Variants in ABCC8 observed in about 807,000 individuals in gnomAD.
ABCC8 encodes the protein ATP-binding cassette sub-family C member 8.
ABCC8 carries 137 observed loss-of-function variants against 188.0 expected under a neutral mutation model. That is an observed-to-expected ratio of 0.73 (90% CI 0.63 to 0.84). The LOEUF (loss-of-function observed/expected upper bound fraction) is 0.84, where lower values mean the gene tolerates loss of function less well. Among genes scored for constraint, ABCC8 ranks in the 40% least tolerant of loss-of-function variants. The pLI, the probability that ABCC8 is intolerant of heterozygous loss-of-function variation, is 0.00. For synonymous variants in ABCC8, 797 were observed against 846.5 expected (o/e 0.94, Z 1.01); for missense variants, 1,750 against 2,072.7 (o/e 0.84, Z 3.02).
At chr11:17,432,376 G>A in intron 10 of ABCC8, 132 bp from the exon 11 acceptor site, 6 of 1,518,334 alleles carry the variant, frequency 4.0e-6, no homozygotes, top group Non-Finnish European at 4.4e-6. Context: ...TAGGCTAGGG[G>A]CAGAACTCTA....
At chr11:17,445,128 C>A (rs1336066767) in intron 8 of ABCC8, among the ~76,000 whole-genome samples, 2 of 152,218 alleles carry the variant, frequency 1.3e-5, no homozygotes, top group Admixed American at 6.5e-5. Flanking sequence ...GCCTCTGATA[C>A]CCAGGAGACT....
chr11:17,450,397 TCTTTCC>T lies in ABCC8; in HGVS notation c.1177-1732_1177-1727del, dbSNP rs1174128420. Among the ~76,000 whole-genome samples, 481 of 104,506 alleles carry T rather than the reference TCTTTCC, an allele frequency of 4.6e-3. 57 individuals carry two copies. Among genetic ancestry groups the T allele is most frequent in the East Asian group, 0.01 (38 of 3,712 alleles). 68.6% of individuals were successfully genotyped at this position (104,506 alleles called of 152,430 possible). The stretch of plus-strand genomic sequence containing the variant: ...CTTTCTTTCCTTTCCTTTCCTTCTT[TCTTTCC>T]TTTTTTTTTTTTTCAGAGTCTTGCT... On this transcript the variant is annotated intron_variant, in intron 7 of 38. Transcript: ENST00000389817.
At chr11:17,474,743 G>T in intron 2 of ABCC8, 143 bp downstream of exon 2, 1 of 910,934 alleles carries the variant, frequency 1.1e-6, no homozygotes, top group Non-Finnish European at 1.8e-6. Flanking sequence ...CAGAGAGGTT[G>T]GCACATAGAA....
Position 17,442,743 on chromosome 11 carries a change from A to G in ABCC8, c.1607T>C (p.Phe536Ser), listed in dbSNP as rs1956366435. The change falls in exon 10 of 39, where the codon TTT (phenylalanine) becomes TCT (serine). Residue 536 changes from phenylalanine to serine, a missense_variant. Transcript: ENST00000389817. ...ACTGGAGATGGAGGTATAGATGGCA[A>G]AGGCCCTGAGGCTGGTCATCTCCTT... ...RRKEMTSLRA[F>S]AIYTSISIFM... 1 of 1,613,672 alleles carries G rather than the reference A, an allele frequency of 6.2e-7. No individual in the cohort carries two copies.
At chr11:17,469,070 CT>C (rs1450607871) in intron 3 of ABCC8, among the ~76,000 whole-genome samples, 7 of 131,728 alleles carry the variant, frequency 5.3e-5, no homozygotes, top group African/African-American at 2.0e-4. Context: ...CCCTCCCTCC[CT>C]TCCCTCCCTC....
intron 37 of ABCC8, 119 bp from the exon 38 acceptor site, chr11:17,393,878 C>A (rs1402460236): frequency 6.3e-7 from 1 of 1,593,206 alleles, no homozygotes; most frequent in Non-Finnish European, 8.6e-7. Flanking sequence ...GATCCTAGTC[C>A]CACCCCCACC....
chr11:17,437,753 G>A (rs1053883619), intron 10 of ABCC8, among the ~76,000 whole-genome samples: 2 of 152,200 alleles, frequency 1.3e-5, no homozygotes, highest in African/African-American at 2.4e-5. Flanking sequence ...GCCAGGATAT[G>A]CATAAGCAGC....
chr11:17,469,087 T>C (rs867123833), intron 3 of ABCC8, among the ~76,000 whole-genome samples: 25 of 86,154 alleles, frequency 2.9e-4, no homozygotes, highest in African/African-American at 1.1e-3. Flanking sequence ...CCCTCCCTCC[T>C]TCCTTCCTTC....
At chr11:17,428,180 C>A in intron 14 of ABCC8, 109 bp downstream of exon 14, 1 of 1,571,748 alleles carries the variant, frequency 6.4e-7, no homozygotes, top group South Asian at 1.1e-5. Context: ...TACAGGCAGG[C>A]AGGGTGACCT....
intron 12 of ABCC8, chr11:17,430,472 T>G (rs77823410): frequency 0.015 from 5,806 of 378,668 alleles, 278 homozygotes; most frequent in African/African-American, 0.11. Context: ...ATGGCCTCAT[T>G]CTTGGTGGCT....
rs561836030 is a variant in ABCC8 at position 17,422,157 on chromosome 11, C to T, written c.2222+4892G>A. Among the ~76,000 whole-genome samples, 31 of 152,304 alleles carry T rather than the reference C, an allele frequency of 2.0e-4. No individual in the cohort carries two copies. In the South Asian group the frequency reaches 5.6e-3, roughly 27 times the overall value. ...TGGAGGGGGACTCTCAACACACAGCCCCCACACTTAACTCAATGCCCAGGA... is the reference window on the plus strand; with the variant it reads ...TGGAGGGGGACTCTCAACACACAGCTCCCACACTTAACTCAATGCCCAGGA... On this transcript the variant is annotated intron_variant, in intron 16 of 38. Transcript: ENST00000389817.
chr11:17,442,679 A>G, intron 10 of ABCC8, 41 bp downstream of exon 10: 1 of 1,599,492 alleles, frequency 6.3e-7, no homozygotes, highest in Non-Finnish European at 8.6e-7. Context: ...CCTTGCATGT[A>G]CGCAGCAGCA....
At chr11:17,452,834 C>T (rs538240363) in intron 7 of ABCC8, among the ~76,000 whole-genome samples, 3 of 152,286 alleles carry the variant, frequency 2.0e-5, no homozygotes, top group East Asian at 1.9e-4. Context: ...CAATTAGTGA[C>T]GTCTACCACT....
At chr11:17,405,329 G>T (rs1954461589) in intron 27 of ABCC8, among the ~76,000 whole-genome samples, 165 bp downstream of exon 27, 1 of 152,232 alleles carries the variant, frequency 6.6e-6, no homozygotes, top group African/African-American at 2.4e-5. Context: ...CTCCCACGAG[G>T]GAGGCCCCAG....
In ABCC8 at chr11:17,406,595, C is replaced by A. The variant is rs770231412; in HGVS notation, c.3329+27G>T. On this transcript the variant is annotated intron_variant, in intron 26 of 38. Coordinates refer to ENST00000389817, the MANE Select transcript of ABCC8 (RefSeq NM_000352.6). ...CAGAGAACAGTGACTTGCTCACAGT[C>A]CCAGCCTGGCCAGGGGAGACGGGTA... 1.2e-5 allele frequency: 20 copies of A among 1,602,760 alleles called. No homozygotes were observed. In the South Asian group the frequency reaches 1.4e-4, roughly 12 times the overall value.
In ABCC8 at chr11:17,402,657, G is replaced by A. The variant is rs374315114; in HGVS notation, c.3650+4C>T. On this transcript the variant is annotated splice_donor_region_variant and intron_variant, in intron 29 of 38. Coordinates refer to ENST00000389817, the MANE Select transcript of ABCC8 (RefSeq NM_000352.6). ...TCCTACCTTGGGGGAATGTGGACTCGTACCTGAAGGCCCGGATGGTGGTGA... is the reference window on the plus strand; with the variant it reads ...TCCTACCTTGGGGGAATGTGGACTCATACCTGAAGGCCCGGATGGTGGTGA... The A allele has an allele frequency of 4.5e-5, 73 of 1,614,232 alleles. No homozygotes were observed. The highest frequency in any genetic ancestry group is 3.8e-4 in the East Asian group (17 of 44,878).
Position 17,415,004 on chromosome 11 carries a change from C to CTTT in ABCC8, c.2291+297_2291+299dup, listed in dbSNP as rs750031942. ...GCAGGTAATTCTCCAAATGGAAGAA[C>CTTT]TTTTTTTTTTTTTTTTAAAAGCAGA... On this transcript the variant is annotated intron_variant, in intron 18 of 38. Coordinates refer to ENST00000389817, the MANE Select transcript of ABCC8 (RefSeq NM_000352.6). Among the ~76,000 whole-genome samples the CTTT allele has an allele frequency of 2.5e-3, 357 of 141,812 alleles. 2 individuals are homozygous for CTTT. Among genetic ancestry groups the CTTT allele is most frequent in the African/African-American group, 8.8e-3 (342 of 38,946 alleles). The allele number at this position is 141,812 out of a possible 152,430, so 93.0% of individuals were successfully genotyped here.
At chr11:17,467,997 A>T (rs1018128362) in intron 3 of ABCC8, among the ~76,000 whole-genome samples, 2 of 130,106 alleles carry the variant, frequency 1.5e-5, no homozygotes, top group Non-Finnish European at 3.2e-5. Context: ...TCCAGAGGAC[A>T]CTGGTCAGCC....
At chr11:17,457,302 C>T (rs1957031392) in intron 6 of ABCC8, among the ~76,000 whole-genome samples, 1 of 152,074 alleles carries the variant, frequency 6.6e-6, no homozygotes, top group Admixed American at 6.5e-5. Flanking sequence ...AAAGACACAC[C>T]AAAAGACACA....
Sources: allele counts gnomAD v4.1 joint callset (sites outside exome capture counted in the v4.1 genomes callset), GRCh38; gene constraint gnomAD v4.1.1; transcripts MANE v1.5; gene names NCBI Gene and HGNC (gene_info 2026-07-23, HGNC 2026-07-21).